The following CFAP20DC variants were observed in gnomAD, a reference collection of about 807,000 sequenced individuals.
CFAP20DC encodes protein CFAP20DC.
In CFAP20DC, 84 loss-of-function variants were observed where a neutral mutation model predicts 101.7. The observed-to-expected ratio is 0.83, with a 90% CI of 0.69 to 0.99. CFAP20DC has a LOEUF of 0.99. Ranked by LOEUF, CFAP20DC falls within the 50% of genes least tolerant of loss-of-function variation. The pLI is 0.00. For synonymous variants in CFAP20DC, 359 were observed against 351.2 expected (o/e 1.02, Z -0.25); for missense variants, 1,007 against 970.3 (o/e 1.04, Z -0.50).
intron 4 of CFAP20DC, among the ~76,000 whole-genome samples, chr3:59,009,544 A>G (rs764094618): frequency 5.3e-5 from 8 of 152,142 alleles, no homozygotes; most frequent in Non-Finnish European, 1.2e-4. Flanking sequence ...TCAACAATAT[A>G]CTAGAACAAG....
At chr3:58,814,224 C>G (rs1033032192) in intron 14 of CFAP20DC, among the ~76,000 whole-genome samples, 4 of 151,860 alleles carry the variant, frequency 2.6e-5, no homozygotes, top group South Asian at 4.2e-4. Flanking sequence ...ATGCCCAAAC[C>G]TCTATTCCAA....
At chr3:58,907,996 G>A (rs1002396448) in intron 6 of CFAP20DC, among the ~76,000 whole-genome samples, 2 of 151,942 alleles carry the variant, frequency 1.3e-5, no homozygotes, top group Non-Finnish European at 2.9e-5. Context: ...ACCAATGCTC[G>A]TTCTTAGACT....
In CFAP20DC at chr3:58,868,056, G is replaced by C; in HGVS notation, c.1016-120C>G. On this transcript the variant is annotated intron_variant, in intron 9 of 16. Coordinates refer to ENST00000482387, the MANE Select transcript of CFAP20DC (RefSeq NM_001394063.1). The surrounding 1 kb of genome is among the most constrained non-coding windows in gnomAD (Gnocchi z 4.6). ...TTCATGTATAATTTTGACATAATGT[G>C]AAGATACATCAAAAATACAACTTCA... is the stretch of plus-strand genomic sequence containing the variant. 8.8e-7 allele frequency: 1 copy of C among 1,138,714 alleles called. No individual in the cohort carries two copies. Among genetic ancestry groups the C allele is most frequent in the Non-Finnish European group, 1.2e-6 (1 of 838,266 alleles). 70.5% of individuals were successfully genotyped at this position (1,138,714 alleles called of 1,614,324 possible).
At chr3:58,852,471 G>T (rs1212276533) in intron 12 of CFAP20DC, among the ~76,000 whole-genome samples, 1 of 151,942 alleles carries the variant, frequency 6.6e-6, no homozygotes, top group Non-Finnish European at 1.5e-5. Context: ...ATTGAACTCA[G>T]CTCTGCACCA....
intron 4 of CFAP20DC, among the ~76,000 whole-genome samples, chr3:58,984,220 G>A (rs2092679767): frequency 6.6e-6 from 1 of 152,146 alleles, no homozygotes; most frequent in African/African-American, 2.4e-5. Flanking sequence ...GTGCCCAAGA[G>A]AACTTCTGCA....
chr3:58,761,909 T>TTA (rs1424596689), intron 15 of CFAP20DC, among the ~76,000 whole-genome samples: 1 of 152,138 alleles, frequency 6.6e-6, no homozygotes, highest in Non-Finnish European at 1.5e-5. Flanking sequence ...AGACAGTTTG[T>TTA]TATAATTTCT....
chr3:58,913,639 C>T lies in CFAP20DC; in HGVS notation c.550+69G>A. ...AACTGCTACCACACACTCATACTATCCCAAAGGTATGGCTAATTTTAAAAA... is the reference window on the plus strand; with the variant it reads ...AACTGCTACCACACACTCATACTATTCCAAAGGTATGGCTAATTTTAAAAA... On this transcript the variant is annotated intron_variant, in intron 6 of 16. Transcript: ENST00000482387. This position sits in a 1 kb window ranked among gnomAD's most constrained non-coding sequence, Gnocchi z 4.4. 6.6e-7 allele frequency: 1 copy of T among 1,508,586 alleles called. No individual in the cohort carries two copies. Among genetic ancestry groups the T allele is most frequent in the Non-Finnish European group, 9.2e-7 (1 of 1,085,770 alleles). 93.5% of individuals were successfully genotyped at this position (1,508,586 alleles called of 1,614,324 possible).
chr3:58,841,831 C>G (rs543839938), intron 13 of CFAP20DC, among the ~76,000 whole-genome samples: 4 of 152,158 alleles, frequency 2.6e-5, no homozygotes, highest in African/African-American at 7.2e-5. Context: ...CTTCAATAAG[C>G]TCAAACTTTT....
intron 7 of CFAP20DC, among the ~76,000 whole-genome samples, chr3:58,883,953 A>C (rs1008067719): frequency 9.9e-5 from 15 of 152,182 alleles, no homozygotes; most frequent in Non-Finnish European, 2.2e-4. Flanking sequence ...GAGGTAGAAC[A>C]CTGGCAGCCC....
At chr3:58,886,264 G>A (rs1376268505) in intron 6 of CFAP20DC, among the ~76,000 whole-genome samples, 1 of 152,166 alleles carries the variant, frequency 6.6e-6, no homozygotes, top group East Asian at 1.9e-4. Flanking sequence ...CAGCACTTGA[G>A]GAGTGTTAAG....
At chr3:58,884,474 T>C in intron 7 of CFAP20DC, 71 bp downstream of exon 7, 2 of 1,438,916 alleles carry the variant, frequency 1.4e-6, no homozygotes, top group Non-Finnish European at 9.7e-7. Context: ...GTGCCCTTTT[T>C]GGAGGAAGTC....
At chr3:58,820,500 C>G (rs1312426185) in intron 14 of CFAP20DC, among the ~76,000 whole-genome samples, 6 of 150,344 alleles carry the variant, frequency 4.0e-5, no homozygotes, top group Middle Eastern at 3.4e-3. Context: ...ACACCAACAA[C>G]AGACAAACAG....
intron 15 of CFAP20DC, among the ~76,000 whole-genome samples, chr3:58,764,364 C>T (rs1371520591): frequency 2.6e-5 from 4 of 152,106 alleles, no homozygotes; most frequent in East Asian, 3.9e-4. Flanking sequence ...CCTGGTGTGC[C>T]GTTTGCTAAG....
chr3:58,966,470 A>ATG (rs1208615540), intron 4 of CFAP20DC, among the ~76,000 whole-genome samples: 19 of 111,296 alleles, frequency 1.7e-4, no homozygotes, highest in African/African-American at 5.9e-4. Context: ...AAATATACAT[A>ATG]TGTGTATATA....
At chr3:58,741,361 T>C (rs1469652764), downstream of CFAP20DC, among the ~76,000 whole-genome samples, 6 of 152,132 alleles carry the variant, frequency 3.9e-5, no homozygotes, top group Admixed American at 3.9e-4. Context: ...AGAAAGCCTC[T>C]GGGATTTCTT....
intron 3 of CFAP20DC, among the ~76,000 whole-genome samples, chr3:59,043,441 T>TA (rs1553778603): frequency 6.6e-6 from 1 of 151,740 alleles, no homozygotes; most frequent in Non-Finnish European, 1.5e-5. Flanking sequence ...TTCAGGAAAA[T>TA]AGAGGCAGAT....
intron 4 of CFAP20DC, among the ~76,000 whole-genome samples, chr3:58,998,034 G>C (rs1245086911): frequency 6.6e-6 from 1 of 152,150 alleles, no homozygotes; most frequent in Non-Finnish European, 1.5e-5. Context: ...TCTGTGATTT[G>C]AATAAAGTGA....
At chr3:58,736,122 C>T (rs979826741) in intron 3 of CFAP20DC, among the ~76,000 whole-genome samples, 1 of 152,058 alleles carries the variant, frequency 6.6e-6, no homozygotes, top group Non-Finnish European at 1.5e-5. Flanking sequence ...AATTTTAGAA[C>T]TACATAGATA....
intron 14 of CFAP20DC, among the ~76,000 whole-genome samples, chr3:58,807,429 C>A (rs1275215850): frequency 3.3e-5 from 5 of 152,328 alleles, no homozygotes; most frequent in Admixed American, 6.5e-5. Context: ...TGTTCTGCAG[C>A]CACCGCTGCG....
Sources: allele counts gnomAD v4.1 joint callset (sites outside exome capture counted in the v4.1 genomes callset), GRCh38; gene constraint gnomAD v4.1.1; non-coding constraint Gnocchi (gnomAD v3.1); transcripts MANE v1.5; gene names NCBI Gene and HGNC (gene_info 2026-07-23, HGNC 2026-07-21).